CENPF: variants seen among roughly 807,000 people sequenced by gnomAD.
The protein encoded by CENPF is centromere protein F, also known as AH antigen.
CENPF carries 214 observed loss-of-function variants against 307.3 expected under a neutral mutation model. The ratio of observed to expected loss-of-function variants is 0.70; its 90% CI spans 0.62 to 0.78. The LOEUF is 0.78. Among genes scored for constraint, CENPF ranks in the 30% least tolerant of loss-of-function variants. CENPF has a pLI of 0.00. For missense variants in CENPF, 3,401 were observed against 3,483.9 expected, an observed-to-expected ratio of 0.98 and a Z score of 0.60; for synonymous variants, 1,259 against 1,270.6, an observed-to-expected ratio of 0.99 and a Z score of 0.19.
intron 8 of CENPF, among the ~76,000 whole-genome samples, chr1:214,630,195 T>C (rs773257922): frequency 4.6e-5 from 7 of 152,212 alleles, no homozygotes; most frequent in Non-Finnish European, 1.0e-4. Flanking sequence ...GTTTCTTAGT[T>C]GAGCTTTGAC....
chr1:214,639,856 G>C, intron 11 of CENPF, 65 bp from the exon 12 acceptor site: 1 of 1,100,034 alleles, frequency 9.1e-7, no homozygotes, highest in Non-Finnish European at 1.2e-6. Context: ...GGGGGGAGGG[G>C]TTAGCGTTTC....
chr1:214,622,345 G>A (rs1032681065), intron 7 of CENPF, 64 bp downstream of exon 7: 17 of 1,279,708 alleles, frequency 1.3e-5, no homozygotes, highest in Non-Finnish European at 1.8e-5. Context: ...TTTAGAAAGA[G>A]TATTTTATAC....
intron 19 of CENPF, among the ~76,000 whole-genome samples, chr1:214,662,177 C>A (rs1314980404): frequency 1.3e-5 from 2 of 151,700 alleles, no homozygotes; most frequent in Non-Finnish European, 2.9e-5. Flanking sequence ...TTTTAAATGG[C>A]AAACCTAAAG....
chr1:214,640,500 T>C lies in CENPF; in HGVS notation c.2162T>C (p.Met721Thr). Residue 721 changes from methionine (M) to threonine (T), a missense_variant, in exon 12 of 20, where the codon ATG (methionine) becomes ACG (threonine). By Grantham distance (81) the Met-to-Thr change is moderately conservative. Coordinates refer to ENST00000366955, the MANE Select transcript of CENPF (RefSeq NM_016343.4). ...AAACATCAGAAGGAAATAGAAAATA[T>C]GTGTTTGAAGACTTCTCAGCTTACT... ...DQKHQKEIEN[M>T]CLKTSQLTGQ... 1.2e-6 allele frequency: 2 copies of C among 1,614,132 alleles called. No individual in the cohort carries two copies. Among genetic ancestry groups the C allele is most frequent in the Non-Finnish European group, 8.5e-7 (1 of 1,180,000 alleles).
chr1:214,616,834 CCTCT>C lies in CENPF; in HGVS notation c.360-1738_360-1735del, dbSNP rs1469321390. On this transcript the variant is annotated intron_variant, in intron 3 of 19. Coordinates refer to ENST00000366955, the MANE Select transcript of CENPF (RefSeq NM_016343.4). Reference sequence around the variant, plus strand: ...TCCTTCCTTCCTTCTTTCCTTCCTTCCTCTTTCTTTCTTTCTTTCTTTCTTTCTT... The same window carrying C: ...TCCTTCCTTCCTTCTTTCCTTCCTTCTTCTTTCTTTCTTTCTTTCTTTCTT... Among the ~76,000 whole-genome samples, 72 of 143,802 alleles carry C rather than the reference CCTCT, an allele frequency of 5.0e-4. 3 individuals are homozygous for C. Among genetic ancestry groups the C allele is most frequent in the African/African-American group, 1.9e-3 (70 of 37,114 alleles). The allele number at this position is 143,802 out of a possible 152,430, so 94.3% of individuals were successfully genotyped here.
chr1:214,642,790 C>T lies in CENPF; in HGVS notation c.4452C>T (p.Ser1484=). 1.2e-6 allele frequency: 2 copies of T among 1,613,912 alleles called. No homozygotes were observed. The highest frequency in any genetic ancestry group is 1.7e-6 in the Non-Finnish European group (2 of 1,179,942). ...PSLSSSCVPD[S]SSLSSLGDSS... ...TGTCATCCTCTTGTGTGCCTGACAG[C>T]TCTAGTCTTAGCAGTTTGGGAGACT... is the stretch of plus-strand genomic sequence containing the variant. Residue 1484 remains serine (S), a synonymous_variant, in exon 12 of 20, where the codon AGC becomes AGT. Transcript: ENST00000366955.
chr1:214,638,210 T>C (rs1348957927), intron 11 of CENPF, among the ~76,000 whole-genome samples: 1 of 152,126 alleles, frequency 6.6e-6, no homozygotes, highest in Admixed American at 6.5e-5. Flanking sequence ...TGGAACATAT[T>C]GAGTCCCAAA....
intron 13 of CENPF, chr1:214,647,939 C>G (rs1272931728): frequency 4.1e-6 from 2 of 491,830 alleles, no homozygotes; most frequent in Admixed American, 2.0e-5. Context: ...CTTATACCTT[C>G]TCTTTGTGCA....
chr1:214,611,827 T>A (rs923896721), intron 1 of CENPF, among the ~76,000 whole-genome samples: 1 of 152,364 alleles, frequency 6.6e-6, no homozygotes, highest in Admixed American at 6.5e-5. Flanking sequence ...GTATATTGAT[T>A]TTCGTATCCT....
At chr1:214,655,465 T>C (rs146599783) in intron 17 of CENPF, 62 bp downstream of exon 17, 2 of 1,405,326 alleles carry the variant, frequency 1.4e-6, no homozygotes, top group Middle Eastern at 1.8e-4. Flanking sequence ...AAATAACATA[T>C]GGTATGCGTG....
Position 214,642,829 on chromosome 1 carries a change from A to C in CENPF, c.4491A>C (p.Arg1497Ser), listed in dbSNP as rs1658166374. Reference sequence around the variant, plus strand: ...GTTTGGGAGACTCCTCCTTTTACAGAGCTCTTTTAGAACAGACAGGAGATA... The same window carrying C: ...GTTTGGGAGACTCCTCCTTTTACAGCGCTCTTTTAGAACAGACAGGAGATA... ...LSSLGDSSFY[R>S]ALLEQTGDMS... is the part of the protein sequence containing the mutation. Residue 1497 changes from arginine to serine, a missense_variant, in exon 12 of 20, where the codon AGA becomes AGC. Physicochemically the swap from Arg to Ser is moderately radical, Grantham distance 110. Coordinates refer to ENST00000366955, the MANE Select transcript of CENPF (RefSeq NM_016343.4). 6.2e-7 allele frequency: 1 copy of C among 1,613,856 alleles called. No individual in the cohort carries two copies. Among genetic ancestry groups the C allele is most frequent in the Non-Finnish European group, 8.5e-7 (1 of 1,180,004 alleles).
intron 1 of CENPF, among the ~76,000 whole-genome samples, chr1:214,606,658 G>A (rs557694218): frequency 4.6e-5 from 7 of 151,760 alleles, no homozygotes; most frequent in Admixed American, 2.0e-4. Flanking sequence ...ATCGAGGGTC[G>A]TGGCTGCGGA....
Position 214,657,094 on chromosome 1 carries a change from A to G in CENPF, c.8647A>G (p.Thr2883Ala), listed in dbSNP as rs145612869. 2.5e-6 allele frequency: 4 copies of G among 1,614,072 alleles called. No individual in the cohort carries two copies. Among genetic ancestry groups the G allele is most frequent in the Non-Finnish European group, 3.4e-6 (4 of 1,180,032 alleles). Residue 2883 changes from threonine to alanine, a missense_variant, in exon 18 of 20, where the codon ACA becomes GCA. Coordinates refer to ENST00000366955, the MANE Select transcript of CENPF (RefSeq NM_016343.4). ...KLEKAKEMLE[T>A]QVAHLCSQQS... ...AGAGAAAGCTAAAGAGATGTTAGAG[A>G]CACAAGTGGCCCATCTGTGTTCACA...
intron 1 of CENPF, 71 bp from the exon 2 acceptor site, chr1:214,613,643 A>T: frequency 1.8e-6 from 2 of 1,126,540 alleles, no homozygotes; most frequent in Non-Finnish European, 2.5e-6. Context: ...GTGGTTAGAT[A>T]GATTCATTAA....
At position 214,645,614 on chromosome 1, in the gene CENPF, T is replaced by C. The variant is rs769854163; in HGVS notation, c.6044T>C (p.Leu2015Pro). The C allele has an allele frequency of 1.1e-5, 17 of 1,614,138 alleles. No homozygotes were observed. The South Asian group carries it at 1.5e-4, about 15-fold the overall frequency. ...GCAGAGGTGAAGGAAAAGACGGAAC[T>C]CCTTCAGACTTTGTCCTCTGATGTG... ...AEAEVKEKTE[L>P]LQTLSSDVSE... Residue 2015 changes from leucine (L) to proline (P), a missense_variant, in exon 13 of 20, where the codon CTC (leucine) becomes CCC (proline). Leu to Pro is a moderately conservative substitution (Grantham distance 98, BLOSUM62 -3). Transcript: ENST00000366955.
At chr1:214,632,330 A>G in intron 9 of CENPF, 150 bp from the exon 10 acceptor site, 1 of 731,788 alleles carries the variant, frequency 1.4e-6, no homozygotes, top group African/African-American at 1.8e-5. Context: ...GTATTTTAAG[A>G]CATATTTAGC....
At chr1:214,656,522 A>G (rs1183070670) in intron 17 of CENPF, among the ~76,000 whole-genome samples, 1 of 152,192 alleles carries the variant, frequency 6.6e-6, no homozygotes, top group Non-Finnish European at 1.5e-5. Flanking sequence ...CTTGTCTCCC[A>G]AAGCCATACA....
chr1:214,632,439 A>G (rs1252595409), intron 9 of CENPF, 41 bp from the exon 10 acceptor site: 1 of 1,593,508 alleles, frequency 6.3e-7, no homozygotes, highest in Non-Finnish European at 8.5e-7. Flanking sequence ...GAAAAAGTAA[A>G]GAACATGAAA....
intron 19 of CENPF, among the ~76,000 whole-genome samples, chr1:214,661,416 G>C (rs772156378): frequency 2.6e-5 from 4 of 152,316 alleles, no homozygotes; most frequent in African/African-American, 9.6e-5. Context: ...AATCTAGAAT[G>C]AGGTATTATT....
Sources: gnomAD v4.1 joint callset for allele counts (sites outside exome capture counted in the v4.1 genomes callset) on GRCh38, gnomAD v4.1.1 for gene constraint, MANE v1.5 for transcripts, NCBI Gene and HGNC (gene_info 2026-07-23, HGNC 2026-07-21) for gene names.